SHTN1: variants seen among roughly 807,000 people sequenced by gnomAD.
SHTN1 encodes shootin-1.
In SHTN1, 42 loss-of-function variants were observed where a neutral mutation model predicts 83.1. That is an observed-to-expected ratio of 0.51 (90% CI 0.39 to 0.65). The LOEUF (loss-of-function observed/expected upper bound fraction) is 0.65. SHTN1 is among the 30% of genes least tolerant of loss of function. The probability of loss-of-function intolerance (pLI) is 0.00; values close to 1 mark genes in which losing one functional copy is unlikely to be tolerated. For synonymous variants in SHTN1, 224 were observed against 247.7 expected (o/e 0.90, Z 0.90); for missense variants, 622 against 737.8 (o/e 0.84, Z 1.82).
At chr10:116,936,043 G>A (rs943603736) in intron 9 of SHTN1, among the ~76,000 whole-genome samples, 1 of 151,996 alleles carries the variant, frequency 6.6e-6, no homozygotes, top group African/African-American at 2.4e-5. Context: ...GTGTCTATTT[G>A]ATTCTTCTCT....
At chr10:116,891,956 A>G (rs928249185) in intron 16 of SHTN1, among the ~76,000 whole-genome samples, 1 of 152,208 alleles carries the variant, frequency 6.6e-6, no homozygotes, top group African/African-American at 2.4e-5. Context: ...ATTTGTGGAA[A>G]AAGTAGATTT....
chr10:116,971,655 A>G (rs775198906), intron 2 of SHTN1, among the ~76,000 whole-genome samples: 1 of 152,214 alleles, frequency 6.6e-6, no homozygotes, highest in Non-Finnish European at 1.5e-5. Flanking sequence ...GTTTCCGACT[A>G]GGCTCAAACT....
At chr10:116,944,860 C>G in intron 8 of SHTN1, 64 bp downstream of exon 8, 1 of 1,059,976 alleles carries the variant, frequency 9.4e-7, no homozygotes, top group South Asian at 1.3e-5. Flanking sequence ...CACTGCACTC[C>G]AGCCTGGTGA....
intron 7 of SHTN1, among the ~76,000 whole-genome samples, chr10:116,946,448 T>A: frequency 6.9e-6 from 1 of 145,694 alleles, no homozygotes; most frequent in East Asian, 2.0e-4. Flanking sequence ...ATGTATAAAT[T>A]ATGTATATGT....
chr10:116,893,576 G>GCGCGCACACACACACACACA lies in SHTN1; in HGVS notation c.1674-7011_1674-7010insTGTGTGTGTGTGTGTGCGCG, dbSNP rs1554905664. On this transcript the variant is annotated intron_variant, in intron 16 of 16. Coordinates refer to ENST00000355371, the MANE Select transcript of SHTN1 (RefSeq NM_001127211.3). ...CCCCCTCCCTGATAGGCACTCATGTGCACACACACACACACACACACGAGA... is the reference window on the plus strand; with the variant it reads ...CCCCCTCCCTGATAGGCACTCATGTGCGCGCACACACACACACACACACACACACACACACACACACGAGA... Among the ~76,000 whole-genome samples the GCGCGCACACACACACACACA allele has an allele frequency of 2.1e-4, 26 of 123,594 alleles. No homozygotes were observed. In the East Asian group the frequency reaches 6.2e-3, roughly 29 times the overall value. 81.1% of individuals were successfully genotyped at this position (123,594 alleles called of 152,430 possible).
chr10:116,934,645 A>C (rs1849089510), intron 9 of SHTN1, among the ~76,000 whole-genome samples: 1 of 152,146 alleles, frequency 6.6e-6, no homozygotes, highest in Non-Finnish European at 1.5e-5. Context: ...TGTCTTGGCA[A>C]TATGGGCTTT....
chr10:117,025,237 C>T (rs1852314794), intron 2 of SHTN1, among the ~76,000 whole-genome samples: 1 of 152,148 alleles, frequency 6.6e-6, no homozygotes, highest in Admixed American at 6.5e-5. Context: ...AGGTGTGGTG[C>T]AGAGAGTGTT....
At chr10:117,062,852 C>A (rs929874176) in intron 1 of SHTN1, among the ~76,000 whole-genome samples, 2 of 152,028 alleles carry the variant, frequency 1.3e-5, no homozygotes, top group African/African-American at 4.8e-5. Context: ...AGAATTATTT[C>A]TTCATTCATG....
At chr10:117,004,965 G>T in intron 1 of SHTN1, 57 bp downstream of exon 1, 1 of 1,517,944 alleles carries the variant, frequency 6.6e-7, no homozygotes, top group African/African-American at 1.4e-5. Context: ...AGCGCCCTGG[G>T]GCCGTCCCCG....
At chr10:117,085,265 T>C (rs546719359) in intron 1 of SHTN1, among the ~76,000 whole-genome samples, 2 of 152,348 alleles carry the variant, frequency 1.3e-5, no homozygotes, top group African/African-American at 2.4e-5. Context: ...TCTTTTCTCA[T>C]ATATGCACTC....
Position 116,954,116 on chromosome 10 carries a change from T to G in SHTN1, c.362A>C (p.Asp121Ala), listed in dbSNP as rs1208348591. The G allele has an allele frequency of 6.2e-7, 1 of 1,614,048 alleles. No individual in the cohort carries two copies. The highest frequency in any genetic ancestry group is 8.5e-7 in the Non-Finnish European group (1 of 1,179,948). Residue 121 changes from aspartate (D) to alanine (A), a missense_variant, in exon 5 of 17, where the codon GAT becomes GCT. Physicochemically the swap from Asp to Ala is moderately radical, Grantham distance 126. Transcript: ENST00000355371. ...DVITEEINID[D>A]EDSTTDTDGA... is the part of the protein sequence containing the mutation. ...GTCTGTGTCTGTAGTCGAATCTTCA[T>G]CATCAATGTTTATCTCTTCAGTTAT...
intron 2 of SHTN1, among the ~76,000 whole-genome samples, chr10:116,976,553 T>C (rs778166711): frequency 5.0e-4 from 76 of 152,200 alleles, no homozygotes; most frequent in Non-Finnish European, 1.0e-3. Context: ...GGGCCATGAA[T>C]GAAAGGATGG....
intron 1 of SHTN1, among the ~76,000 whole-genome samples, chr10:117,055,906 T>C (rs1412842998): frequency 6.6e-6 from 1 of 152,184 alleles, no homozygotes; most frequent in Non-Finnish European, 1.5e-5. Context: ...GGGTAAATTG[T>C]ATGCTATGTA....
Position 116,944,912 on chromosome 10 carries a change from C to A in SHTN1, c.711+12G>T. On this transcript the variant is annotated intron_variant, in intron 8 of 16. Transcript: ENST00000355371. ...CTCAAGAAAAAAAATAAGATTTTTA[C>A]AAGATACCCACCTCTTGTGCAAATG... is the stretch of plus-strand genomic sequence containing the variant. The A allele has an allele frequency of 6.4e-7, 1 of 1,564,838 alleles. No individual in the cohort carries two copies. The highest frequency in any genetic ancestry group is 1.7e-5 in the Admixed American group (1 of 59,636).
chr10:117,109,440 A>C (rs1483349461), intron 1 of SHTN1, among the ~76,000 whole-genome samples: 1 of 152,002 alleles, frequency 6.6e-6, no homozygotes, highest in East Asian at 1.9e-4. Flanking sequence ...GATTGGAAGG[A>C]AATACACCAA....
intron 3 of SHTN1, among the ~76,000 whole-genome samples, chr10:116,962,165 G>C (rs1850209352): frequency 6.6e-6 from 1 of 150,664 alleles, no homozygotes; most frequent in South Asian, 2.1e-4. Flanking sequence ...CATACAAACG[G>C]GTCCCCATTA....
chr10:117,009,647 G>A (rs1382476534), upstream of SHTN1, among the ~76,000 whole-genome samples: 1 of 152,084 alleles, frequency 6.6e-6, no homozygotes, highest in African/African-American at 2.4e-5. Context: ...GCTCAAGCCC[G>A]TAATCCCAGC....
chr10:117,015,730 GCTTT>G (rs1230164591), intron 2 of SHTN1, among the ~76,000 whole-genome samples: 1 of 152,116 alleles, frequency 6.6e-6, no homozygotes, highest in Admixed American at 6.5e-5. Context: ...CATATACAGT[GCTTT>G]CTTTCTGATT....
intron 1 of SHTN1, among the ~76,000 whole-genome samples, chr10:117,064,278 G>T (rs553758047): frequency 2.1e-4 from 32 of 152,302 alleles, no homozygotes; most frequent in Middle Eastern, 3.4e-3. Context: ...ATTTGCAAAG[G>T]TTACAAGGAA....
Sources: allele counts gnomAD v4.1 joint callset (sites outside exome capture counted in the v4.1 genomes callset), GRCh38; gene constraint gnomAD v4.1.1; transcripts MANE v1.5; gene names NCBI Gene and HGNC (gene_info 2026-07-23, HGNC 2026-07-21).